WLS: variants seen among roughly 807,000 people sequenced by gnomAD.
The protein encoded by WLS is protein wntless homolog.
A neutral mutation model predicts 62.8 loss-of-function variants in WLS; 23 were observed. That is an observed-to-expected ratio of 0.37 (90% CI 0.26 to 0.52). The LOEUF is 0.52. WLS is among the 20% of genes least tolerant of loss of function. The probability of loss-of-function intolerance (pLI) is 0.92; values close to 1 mark genes in which losing one functional copy is unlikely to be tolerated. For missense variants in WLS, 615 were observed against 697.3 expected, an observed-to-expected ratio of 0.88 and a Z score of 1.33; for synonymous variants, 246 against 244.1, an observed-to-expected ratio of 1.01 and a Z score of -0.07.
intron 11 of WLS, among the ~76,000 whole-genome samples, chr1:68,109,581 G>T (rs1198669145): frequency 6.6e-6 from 1 of 152,072 alleles, no homozygotes; most frequent in East Asian, 1.9e-4. Flanking sequence ...ATTTGAAAAA[G>T]ACTTAAACAT....
intron 11 of WLS, among the ~76,000 whole-genome samples, chr1:68,109,632 A>C (rs1194528759): frequency 6.6e-6 from 1 of 152,210 alleles, no homozygotes; most frequent in Non-Finnish European, 1.5e-5. Context: ...CAGCAGAGGA[A>C]AGAATTAGTG....
chr1:68,153,629 T>C lies in WLS; in HGVS notation c.691A>G (p.Thr231Ala), dbSNP rs960318552. ...LVGIHQNGGFTKVWFAMKTFL... is the reference protein window; with the variant it reads ...LVGIHQNGGFAKVWFAMKTFL... ...GTCTTCATGGCAAACCACACCTTGG[T>C]GAAGCCTCCATTTTGGTGGATCCCC... The change falls in exon 5 of 12, where the codon ACC becomes GCC. Residue 231 changes from threonine to alanine, a missense_variant. Coordinates refer to ENST00000262348, the MANE Select transcript of WLS (RefSeq NM_024911.7). 6.2e-7 allele frequency: 1 copy of C among 1,614,222 alleles called. No individual in the cohort carries two copies.
At chr1:68,231,139 G>A (rs893211744) in intron 1 of WLS, among the ~76,000 whole-genome samples, 1 of 152,340 alleles carries the variant, frequency 6.6e-6, no homozygotes, top group Non-Finnish European at 1.5e-5. Flanking sequence ...GGGGCGGGGG[G>A]CGCGAGTGTG....
chr1:68,160,113 T>C (rs1033968387), intron 2 of WLS, among the ~76,000 whole-genome samples: 1 of 147,472 alleles, frequency 6.8e-6, no homozygotes, highest in African/African-American at 2.5e-5. Flanking sequence ...GGTTTAATTC[T>C]ATTTAAAAAG....
At chr1:68,109,391 A>C (rs12732068) in intron 11 of WLS, among the ~76,000 whole-genome samples, 70,865 of 152,080 alleles carry the variant, frequency 0.47, 16,796 homozygotes, top group Middle Eastern at 0.54. Context: ...AACACACAAG[A>C]AAGCAAACCA....
chr1:68,231,869 G>A (rs1650441771), intron 1 of WLS: 3 of 301,398 alleles, frequency 1.0e-5, no homozygotes, highest in African/African-American at 3.0e-5. Context: ...GGGGGGGGGG[G>A]GGGCGAGCAA....
At chr1:68,178,509 C>A (rs968967446) in intron 2 of WLS, among the ~76,000 whole-genome samples, 8 of 152,032 alleles carry the variant, frequency 5.3e-5, no homozygotes, top group African/African-American at 1.9e-4. Context: ...GAGTTTGAGA[C>A]CAGCCTGACT....
chr1:68,125,427 G>C lies in WLS; in HGVS notation c.*799C>G. 1 of 946,966 alleles carries C rather than the reference G, an allele frequency of 1.1e-6. No individual in the cohort carries two copies. The highest frequency in any genetic ancestry group is 1.2e-6 in the Non-Finnish European group (1 of 812,880). The allele number at this position is 946,966 out of a possible 1,614,324, so 58.7% of individuals were successfully genotyped here. ...TACATACAGGTTTATTTAAATGATTGGATCTACACTTTTGGAGGCTATTTG... is the reference window on the plus strand; with the variant it reads ...TACATACAGGTTTATTTAAATGATTCGATCTACACTTTTGGAGGCTATTTG... On this transcript the variant is annotated 3_prime_UTR_variant, in exon 12 of 12. Coordinates refer to ENST00000262348, the MANE Select transcript of WLS (RefSeq NM_024911.7).
chr1:68,101,147 C>T (rs1646072796), intron 11 of WLS, among the ~76,000 whole-genome samples: 1 of 152,146 alleles, frequency 6.6e-6, no homozygotes, highest in Admixed American at 6.6e-5. Context: ...TAAAGCTCTC[C>T]TCTCCAAGTT....
intron 11 of WLS, among the ~76,000 whole-genome samples, chr1:68,103,703 T>C (rs1352171100): frequency 2.0e-5 from 3 of 152,192 alleles, no homozygotes; most frequent in African/African-American, 7.2e-5. Context: ...CAGGGTGGTC[T>C]AAGCATAGGA....
chr1:68,217,895 G>A (rs1649795583), intron 1 of WLS, among the ~76,000 whole-genome samples: 1 of 152,106 alleles, frequency 6.6e-6, no homozygotes, highest in African/African-American at 2.4e-5. Context: ...TAACAACTTT[G>A]GAGGGCTTCA....
intron 11 of WLS, among the ~76,000 whole-genome samples, chr1:68,105,038 G>A (rs1026275538): frequency 1.3e-5 from 2 of 152,224 alleles, no homozygotes; most frequent in Non-Finnish European, 2.9e-5. Context: ...ATGTATCTAT[G>A]TGGTCCCATT....
intron 10 of WLS, among the ~76,000 whole-genome samples, chr1:68,140,138 A>G (rs886748540): frequency 9.9e-5 from 15 of 152,208 alleles, no homozygotes; most frequent in Non-Finnish European, 1.6e-4. Context: ...TGACGCTGTG[A>G]GGTAGGTAGG....
At position 68,194,125 on chromosome 1, in the gene WLS, T is replaced by A; in HGVS notation, c.209A>T (p.His70Leu). Residue 70 changes from histidine to leucine, a missense_variant, in exon 2 of 12, where the codon CAT (histidine) becomes CTT (leucine). Physicochemically the swap from His to Leu is moderately conservative, Grantham distance 99 (BLOSUM62 -3). Transcript: ENST00000262348. Reference sequence around the variant, plus strand: ...TTCAATGTCTCGGATCTTGTCACAATGATTGGGTCCCCAAGGCACGAACCA... The same window carrying A: ...TTCAATGTCTCGGATCTTGTCACAAAGATTGGGTCCCCAAGGCACGAACCA... ...TKWFVPWGPN[H>L]CDKIRDIEEA... 2.5e-6 allele frequency: 4 copies of A among 1,614,194 alleles called. No individual in the cohort carries two copies. Among genetic ancestry groups the A allele is most frequent in the East Asian group, 2.2e-5 (1 of 44,874 alleles).
At chr1:68,212,261 C>T (rs1009358145) in intron 1 of WLS, among the ~76,000 whole-genome samples, 6 of 152,168 alleles carry the variant, frequency 3.9e-5, no homozygotes, top group African/African-American at 7.2e-5. Context: ...AAAGAGTTCA[C>T]GAAGGGAAAT....
chr1:68,183,630 T>G (rs1203369787), intron 2 of WLS: 1 of 436,620 alleles, frequency 2.3e-6, no homozygotes, highest in Non-Finnish European at 4.6e-6. Flanking sequence ...GGTGAATTTG[T>G]AGAAGGATGA....
At chr1:68,141,991 AAAGCCAGCCACAGGCTG>A (rs1339035628) in intron 10 of WLS, among the ~76,000 whole-genome samples, 1 of 152,250 alleles carries the variant, frequency 6.6e-6, no homozygotes, top group Non-Finnish European at 1.5e-5. Context: ...GCAGATATAA[AAAGCCAGCCACAGGCTG>A]AAGCTGTATT....
chr1:68,102,192 C>T (rs976721292), intron 11 of WLS, among the ~76,000 whole-genome samples: 5 of 152,214 alleles, frequency 3.3e-5, no homozygotes, highest in Admixed American at 2.6e-4. Context: ...GCATTCTTCC[C>T]AGCCTGTAAC....
chr1:68,162,477 G>T, intron 2 of WLS: 8 of 1,613,876 alleles, frequency 5.0e-6, no homozygotes, highest in Non-Finnish European at 6.8e-6. Context: ...AAAATATGAC[G>T]CTGAATCCAA....
Sources: gnomAD v4.1 joint callset for allele counts (sites outside exome capture counted in the v4.1 genomes callset) on GRCh38, gnomAD v4.1.1 for gene constraint, MANE v1.5 for transcripts, NCBI Gene and HGNC (gene_info 2026-07-23, HGNC 2026-07-21) for gene names.